The following MIS18A variants were observed in gnomAD, a reference collection of about 807,000 sequenced individuals.
The protein encoded by MIS18A is protein Mis18-alpha.
A neutral mutation model predicts 25.0 loss-of-function variants in MIS18A; 14 were observed. The observed-to-expected ratio is 0.56, with a 90% confidence interval of 0.37 to 0.88. The LOEUF (loss-of-function observed/expected upper bound fraction) is 0.88. Ranked by LOEUF, MIS18A falls within the 40% of genes least tolerant of loss-of-function variation. The pLI is 0.00. For synonymous variants in MIS18A, 134 were observed against 118.6 expected, an observed-to-expected ratio of 1.13 and a Z score of -0.84; for missense variants, 292 against 290.8, an observed-to-expected ratio of 1.00 and a Z score of -0.03.
rs1290313951 is a variant in MIS18A at position 32,269,020 on chromosome 21, A to T, written c.*17T>A. The T allele has an allele frequency of 7.7e-6, 12 of 1,561,740 alleles. No homozygotes were observed. In the Admixed American group the frequency reaches 2.0e-4, roughly 27 times the overall value. On this transcript the variant is annotated 3_prime_UTR_variant, in exon 5 of 5. Transcript: ENST00000290130. ...GGGAGGAAGGGCGGGGGCAGAATGG[A>T]GGACACAGACTAGAGTTCAGCTTTT...
chr21:32,241,793 T>A, the MIS18A span, among the ~76,000 whole-genome samples: 14 of 152,244 alleles, frequency 9.2e-5, no homozygotes, highest in African/African-American at 3.4e-4. Flanking sequence ...CTTATCGAGC[T>A]ATTTTCTTGT....
At chr21:32,178,574 T>C in the MIS18A span, among the ~76,000 whole-genome samples, 1 of 152,200 alleles carries the variant, frequency 6.6e-6, no homozygotes, top group Admixed American at 6.5e-5. Context: ...AGTATCTTAA[T>C]GTTGTCTTGA....
At chr21:32,252,164 C>A in the MIS18A span, among the ~76,000 whole-genome samples, 2 of 145,262 alleles carry the variant, frequency 1.4e-5, no homozygotes, top group Non-Finnish European at 3.0e-5. Context: ...CCAGTCTGGG[C>A]AACAAAGTGA....
chr21:32,221,211 T>C, the MIS18A span, among the ~76,000 whole-genome samples: 4 of 151,286 alleles, frequency 2.6e-5, no homozygotes, highest in Non-Finnish European at 5.9e-5. Context: ...GAGGAAAAAA[T>C]GTTAAGGGCA....
At chr21:32,162,761 G>T in the MIS18A span, among the ~76,000 whole-genome samples, 1 of 152,154 alleles carries the variant, frequency 6.6e-6, no homozygotes, top group Non-Finnish European at 1.5e-5. Context: ...ATATGGAAGA[G>T]TATATAACAA....
chr21:32,243,001 T>C, the MIS18A span, among the ~76,000 whole-genome samples: 2 of 152,116 alleles, frequency 1.3e-5, no homozygotes, highest in African/African-American at 4.8e-5. Flanking sequence ...TGAAAAGCGA[T>C]TCACTGGAAG....
chr21:32,191,495 G>A, the MIS18A span, among the ~76,000 whole-genome samples: 1 of 152,194 alleles, frequency 6.6e-6, no homozygotes, highest in African/African-American at 2.4e-5. Flanking sequence ...AAGAGGCTGA[G>A]GCGGAAGGAT....
the MIS18A span, among the ~76,000 whole-genome samples, chr21:32,252,239 AAGGAGG>A: frequency 9.3e-3 from 531 of 57,014 alleles, 5 homozygotes; most frequent in African/African-American, 0.026. Flanking sequence ...GAAGAAGAAG[AAGGAGG>A]AGGAGGAGGA....
At chr21:32,172,653 G>A in the MIS18A span, among the ~76,000 whole-genome samples, 115 of 150,514 alleles carry the variant, frequency 7.6e-4, no homozygotes, top group African/African-American at 2.7e-3. Flanking sequence ...AAATGCAAAG[G>A]ACCAAGAATA....
intron 1 of MIS18A, among the ~76,000 whole-genome samples, chr21:32,276,460 CAAAAAAAAAAAAAAA>C (rs558102501): frequency 4.1e-5 from 3 of 72,742 alleles, no homozygotes; most frequent in African/African-American, 1.4e-4. Context: ...GACTCTGTCT[CAAAAAAAAAAAAAAA>C]AAAAAAAAAA....
At chr21:32,203,676 G>A in the MIS18A span, among the ~76,000 whole-genome samples, 4 of 139,534 alleles carry the variant, frequency 2.9e-5, no homozygotes, top group African/African-American at 5.5e-5. Flanking sequence ...CTGGAGTGCA[G>A]TGGCATGATC....
At chr21:32,247,357 G>A in the MIS18A span, among the ~76,000 whole-genome samples, 7 of 152,182 alleles carry the variant, frequency 4.6e-5, no homozygotes, top group East Asian at 1.2e-3. Context: ...TTCCTTAGTG[G>A]CAGAGAGCTA....
At chr21:32,197,101 A>G in the MIS18A span, among the ~76,000 whole-genome samples, 1 of 152,258 alleles carries the variant, frequency 6.6e-6, no homozygotes, top group Non-Finnish European at 1.5e-5. Context: ...ATACGGGTTT[A>G]TTACATGGTA....
the MIS18A span, among the ~76,000 whole-genome samples, chr21:32,190,172 T>C: frequency 6.6e-6 from 1 of 152,208 alleles, no homozygotes; most frequent in African/African-American, 2.4e-5. Context: ...CTTCCTCTCC[T>C]AAATGCAAAC....
At chr21:32,252,776 T>C in the MIS18A span, among the ~76,000 whole-genome samples, 1 of 152,256 alleles carries the variant, frequency 6.6e-6, no homozygotes, top group East Asian at 1.9e-4. Flanking sequence ...AATTTAGATG[T>C]ATCTGTTTTT....
the MIS18A span, among the ~76,000 whole-genome samples, chr21:32,243,139 G>A: frequency 1.3e-5 from 2 of 152,254 alleles, no homozygotes; most frequent in African/African-American, 2.4e-5. Flanking sequence ...AATGAAAAAC[G>A]TTAAACGTTT....
the MIS18A span, among the ~76,000 whole-genome samples, chr21:32,197,489 T>A: frequency 2.0e-5 from 3 of 152,238 alleles, no homozygotes; most frequent in Admixed American, 6.5e-5. Flanking sequence ...GAAAGGTTTT[T>A]TAATGGATTC....
the MIS18A span, among the ~76,000 whole-genome samples, chr21:32,183,433 CCTGT>C: frequency 6.6e-6 from 1 of 152,180 alleles, no homozygotes; most frequent in Non-Finnish European, 1.5e-5. Flanking sequence ...GGATTTTGCA[CCTGT>C]CTTTTCTCAT....
chr21:32,210,550 T>C, the MIS18A span, among the ~76,000 whole-genome samples: 3 of 152,276 alleles, frequency 2.0e-5, no homozygotes, highest in African/African-American at 7.2e-5. Flanking sequence ...TTAATGTGCC[T>C]CCTCCCCATT....
Sources: gnomAD v4.1 joint callset for allele counts (sites outside exome capture counted in the v4.1 genomes callset) on GRCh38, gnomAD v4.1.1 for gene constraint, MANE v1.5 for transcripts, NCBI Gene and HGNC (gene_info 2026-07-23, HGNC 2026-07-21) for gene names.